Variants in DDX24 observed in about 807,000 individuals in gnomAD.
DDX24 encodes ATP-dependent RNA helicase DDX24.
Under a neutral mutation model 68.9 loss-of-function variants are expected in DDX24, and 24 were observed. The observed-to-expected ratio is 0.35, with a 90% confidence interval of 0.25 to 0.49. The LOEUF is 0.49. DDX24 is among the 20% of genes least tolerant of loss of function. The probability of loss-of-function intolerance (pLI) is 0.99; values close to 1 mark genes in which losing one functional copy is unlikely to be tolerated. For missense variants in DDX24, 989 were observed against 1,039.0 expected (o/e 0.95, Z 0.66); for synonymous variants, 395 against 385.2 (o/e 1.03, Z -0.30).
At chr14:94,053,585 C>A (rs974869702) in intron 7 of DDX24, among the ~76,000 whole-genome samples, 1 of 151,828 alleles carries the variant, frequency 6.6e-6, no homozygotes, top group African/African-American at 2.4e-5. Context: ...GAGGCCAAGG[C>A]GGGCGGATCA....
At chr14:94,054,221 T>C (rs1417129190) in intron 7 of DDX24, among the ~76,000 whole-genome samples, 2 of 152,218 alleles carry the variant, frequency 1.3e-5, no homozygotes, top group African/African-American at 2.4e-5. Context: ...GGGTGGCTCC[T>C]AATCCTCCTT....
rs1885362196 is a variant in DDX24, at chr14:94,050,125, T to TC, written c.*1065dup. The TC allele has an allele frequency of 1.3e-5, 2 of 152,182 alleles. No individual in the cohort carries two copies. Among genetic ancestry groups the TC allele is most frequent in the African/African-American group, 4.8e-5 (2 of 41,442 alleles). The allele number at this position is 152,182 out of a possible 1,614,324, so 9.4% of individuals were successfully genotyped here. A position where few individuals can be genotyped will look rare whatever the true frequency, so the allele number is the denominator to read the frequency against. On this transcript the variant is annotated 3_prime_UTR_variant, in exon 9 of 9. Transcript: ENST00000621632. ...CAGCTGTGCAGAAATCATCTATGCT[T>TC]CTCCCATGGTTGTGGGAGTTGTGGA...
intron 2 of DDX24, among the ~76,000 whole-genome samples, chr14:94,064,667 C>T (rs1277396584): frequency 1.3e-5 from 2 of 152,228 alleles, no homozygotes; most frequent in African/African-American, 4.8e-5. Flanking sequence ...TCCAACCCCG[C>T]CCCATACCTT....
chr14:94,048,375 C>CA lies in DDX24; in HGVS notation c.*2815dup, dbSNP rs1414507481. 1.3e-5 allele frequency: 2 copies of CA among 152,234 alleles called. No individual in the cohort carries two copies. Among genetic ancestry groups the CA allele is most frequent in the African/African-American group, 4.8e-5 (2 of 41,464 alleles). The allele number at this position is 152,234 out of a possible 1,614,324, so 9.4% of individuals were successfully genotyped here. A position where few individuals can be genotyped will look rare whatever the true frequency, so the allele number is the denominator to read the frequency against. ...GGAACAATTAGCAACAGAAAGAGCA[C>CA]AGTCCCTGCTTTTGACTGGGTTCCT... On this transcript the variant is annotated 3_prime_UTR_variant, in exon 9 of 9. Coordinates refer to ENST00000621632, the MANE Select transcript of DDX24 (RefSeq NM_020414.4).
intron 2 of DDX24, 125 bp downstream of exon 2, chr14:94,078,900 C>A: frequency 9.4e-7 from 1 of 1,069,362 alleles, no homozygotes; most frequent in South Asian, 1.5e-5. Context: ...CTTCTAAACA[C>A]CTTTATTCAG....
intron 2 of DDX24, among the ~76,000 whole-genome samples, chr14:94,073,108 T>C (rs1345128529): frequency 1.4e-5 from 2 of 142,938 alleles, no homozygotes; most frequent in Middle Eastern, 3.4e-3. Flanking sequence ...TTTTTTGAGA[T>C]AGAGTCTCAC....
At chr14:94,078,150 G>A (rs1010033396) in intron 2 of DDX24, among the ~76,000 whole-genome samples, 2 of 152,064 alleles carry the variant, frequency 1.3e-5, no homozygotes, top group African/African-American at 4.8e-5. Context: ...ATAAGTAATC[G>A]AGAGATGATT....
intron 5 of DDX24, 146 bp from the exon 6 acceptor site, chr14:94,058,043 G>A (rs61982077): frequency 2.7e-6 from 2 of 741,202 alleles, no homozygotes; most frequent in Non-Finnish European, 4.2e-6. Flanking sequence ...GAAAAACTGA[G>A]GCTCGGAGAG....
intron 3 of DDX24, among the ~76,000 whole-genome samples, chr14:94,061,799 G>A (rs1885602247): frequency 6.6e-6 from 1 of 152,154 alleles, no homozygotes; most frequent in Non-Finnish European, 1.5e-5. Context: ...AAAACCAAAT[G>A]GGTGTGGGTG....
chr14:94,056,714 T>A (rs925399662), intron 6 of DDX24: 1 of 152,160 alleles, frequency 6.6e-6, no homozygotes, highest in Admixed American at 6.5e-5. Flanking sequence ...GGCCCTGACT[T>A]ATCGACTGGT....
At chr14:94,066,746 G>A (rs1045061176) in intron 2 of DDX24, among the ~76,000 whole-genome samples, 2 of 152,172 alleles carry the variant, frequency 1.3e-5, no homozygotes, top group African/African-American at 4.8e-5. Flanking sequence ...AACAATCACT[G>A]CAGTTTGGCT....
At chr14:94,055,473 G>C (rs916946450) in intron 6 of DDX24, 20 of 424,952 alleles carry the variant, frequency 4.7e-5, no homozygotes, top group African/African-American at 3.3e-4. Flanking sequence ...CAGGATTTAA[G>C]CAGCCCAGCT....
At chr14:94,077,993 G>C (rs539450095) in intron 2 of DDX24, among the ~76,000 whole-genome samples, 15 of 151,492 alleles carry the variant, frequency 9.9e-5, no homozygotes, top group African/African-American at 3.6e-4. Context: ...GTAACCGTGG[G>C]TTCTGCATCT....
intron 2 of DDX24, among the ~76,000 whole-genome samples, chr14:94,067,262 A>G (rs1885724684): frequency 6.6e-6 from 1 of 152,112 alleles, no homozygotes; most frequent in African/African-American, 2.4e-5. Context: ...CAAGATCTTC[A>G]AATTAACCCA....
intron 2 of DDX24, among the ~76,000 whole-genome samples, chr14:94,070,855 C>T (rs568512397): frequency 6.6e-6 from 1 of 152,304 alleles, no homozygotes; most frequent in East Asian, 1.9e-4. Flanking sequence ...ATACAAAAAT[C>T]CACTCAAGAT....
chr14:94,066,808 C>A (rs1392184531), intron 2 of DDX24, among the ~76,000 whole-genome samples: 1 of 152,210 alleles, frequency 6.6e-6, no homozygotes, highest in African/African-American at 2.4e-5. Context: ...CAAGGGAACA[C>A]TCCATGAGAC....
At chr14:94,071,720 C>T (rs896352335) in intron 2 of DDX24, among the ~76,000 whole-genome samples, 4 of 152,168 alleles carry the variant, frequency 2.6e-5, no homozygotes, top group Non-Finnish European at 4.4e-5. Flanking sequence ...CCGAGATGGG[C>T]GGATCACCCG....
At chr14:94,053,444 A>ATCCGCCCGCCTTG in intron 7 of DDX24, 1 of 231,510 alleles carries the variant, frequency 4.3e-6, no homozygotes. Context: ...CCTGTGCTCA[A>ATCCGCCCGCCTTG]GCAATCTTTC....
chr14:94,067,559 G>A (rs895817231), intron 2 of DDX24, among the ~76,000 whole-genome samples: 4 of 152,102 alleles, frequency 2.6e-5, no homozygotes, highest in Non-Finnish European at 4.4e-5. Flanking sequence ...TAAGACAAAG[G>A]AAAGAATTTT....
Sources: allele counts gnomAD v4.1 joint callset (sites outside exome capture counted in the v4.1 genomes callset), GRCh38; gene constraint gnomAD v4.1.1; transcripts MANE v1.5; gene names NCBI Gene and HGNC (gene_info 2026-07-23, HGNC 2026-07-21).